The following SPAG6 variants were observed in gnomAD, a reference collection of about 807,000 sequenced individuals.
The protein encoded by SPAG6 is sperm associated antigen 6.
SPAG6 carries 49 observed loss-of-function variants against 58.5 expected under a neutral mutation model. The observed-to-expected ratio is 0.84, with a 90% CI of 0.67 to 1.06. SPAG6 has a LOEUF of 1.06. SPAG6 is among the 50% of genes least tolerant of loss of function. The pLI, the probability that SPAG6 is intolerant of heterozygous loss-of-function variation, is 0.00. For synonymous variants in SPAG6, 233 were observed against 225.6 expected (o/e 1.03, Z -0.29); for missense variants, 560 against 611.3 (o/e 0.92, Z 0.89).
In SPAG6 at chr10:22,360,937, C is replaced by A. The variant is rs1251361179; in HGVS notation, c.122-3916C>A. The stretch of plus-strand genomic sequence containing the variant: ...CATTGTCACCATTTTTATGCAGTTT[C>A]CTTGCATATTTATCTGTAGTTTTAA... On this transcript the variant is annotated intron_variant, in intron 2 of 10. Coordinates refer to ENST00000376624, the MANE Select transcript of SPAG6 (RefSeq NM_012443.4). 3 of 803,254 alleles carry A rather than the reference C, an allele frequency of 3.7e-6. No individual in the cohort carries two copies. In the Admixed American group the frequency reaches 6.4e-5, roughly 17 times the overall value. 49.8% of individuals were successfully genotyped at this position (803,254 alleles called of 1,614,324 possible).
chr10:22,357,522 C>T (rs541000718), intron 2 of SPAG6, among the ~76,000 whole-genome samples: 13 of 151,872 alleles, frequency 8.6e-5, no homozygotes, highest in African/African-American at 2.9e-4. Flanking sequence ...ATGAGTCATT[C>T]ACTAATAATA....
chr10:22,406,820 C>T (rs1277201296), intron 9 of SPAG6, among the ~76,000 whole-genome samples: 4 of 151,860 alleles, frequency 2.6e-5, no homozygotes, highest in African/African-American at 9.7e-5. Flanking sequence ...TCTTGGTGCT[C>T]CTGTATTGGG....
chr10:22,356,790 A>G (rs1836880758), intron 2 of SPAG6, among the ~76,000 whole-genome samples: 2 of 152,150 alleles, frequency 1.3e-5, no homozygotes, highest in African/African-American at 4.8e-5. Flanking sequence ...CTCGGTAACT[A>G]TGATAGTTTC....
rs112330496 is a variant in SPAG6, at chr10:22,386,204, T to G, written c.473-550T>G. On this transcript the variant is annotated intron_variant, in intron 4 of 10. Transcript: ENST00000376624. ...TCTCATTTTTGAAAGTATTTTTATA[T>G]GTACAATGAAAAGGCAGCTTTCTAT... 6.5e-3 allele frequency among the ~76,000 whole-genome samples: 985 copies of G among 152,280 alleles called. 11 individuals carry two copies. The highest frequency in any genetic ancestry group is 0.022 in the African/African-American group (934 of 41,564).
intron 2 of SPAG6, among the ~76,000 whole-genome samples, chr10:22,346,498 T>TCTTCTTCC (rs1554776433): frequency 1.3e-5 from 1 of 76,924 alleles, no homozygotes; most frequent in African/African-American, 5.5e-5. Flanking sequence ...TTCTTCTTCT[T>TCTTCTTCC]TCTTCTTCTT....
chr10:22,345,636 G>A lies in SPAG6; in HGVS notation c.25G>A (p.Val9Met). ...CATGAGTCAGAGGCAGGTGCTGCAAGGTAGGGCCGAGGCGGGCAGGTGCCC... is the reference window on the plus strand; with the variant it reads ...CATGAGTCAGAGGCAGGTGCTGCAAAGTAGGGCCGAGGCGGGCAGGTGCCC... MSQRQVLQVFEQYQKARTQ... is the reference protein window; with the variant it reads MSQRQVLQMFEQYQKARTQ... Residue 9 changes from valine to methionine, a missense_variant and splice_region_variant, in exon 1 of 11, where the codon GTG becomes ATG. Coordinates refer to ENST00000376624, the MANE Select transcript of SPAG6 (RefSeq NM_012443.4). The surrounding 1 kb of genome is among the most constrained non-coding windows in gnomAD (Gnocchi z 6.3). 3.9e-6 allele frequency: 6 copies of A among 1,546,108 alleles called. No homozygotes were observed. The highest frequency in any genetic ancestry group is 5.2e-6 in the Non-Finnish European group (6 of 1,146,526).
chr10:22,360,841 A>G (rs1304874267), intron 2 of SPAG6: 3 of 1,531,782 alleles, frequency 2.0e-6, no homozygotes, highest in African/African-American at 1.4e-5. Flanking sequence ...CTCACCATGG[A>G]TCTCTGGATA....
chr10:22,406,694 G>A (rs1401189324), intron 9 of SPAG6, among the ~76,000 whole-genome samples: 1 of 152,140 alleles, frequency 6.6e-6, no homozygotes, highest in African/African-American at 2.4e-5. Context: ...GGGTTTCCTT[G>A]TTTACTTTCT....
At chr10:22,403,273 A>C (rs1834459654) in intron 9 of SPAG6, among the ~76,000 whole-genome samples, 1 of 152,102 alleles carries the variant, frequency 6.6e-6, no homozygotes, top group South Asian at 2.1e-4. Flanking sequence ...TCCCAATGCT[A>C]TCCCTCCCCC....
intron 9 of SPAG6, among the ~76,000 whole-genome samples, chr10:22,409,005 A>G (rs1041227760): frequency 2.0e-5 from 3 of 151,630 alleles, no homozygotes; most frequent in Non-Finnish European, 4.4e-5. Context: ...TCGCGCACCC[A>G]CTGACCTGCG....
intron 7 of SPAG6, among the ~76,000 whole-genome samples, chr10:22,391,271 G>C (rs1378097660): frequency 6.6e-6 from 1 of 152,106 alleles, no homozygotes; most frequent in Non-Finnish European, 1.5e-5. Context: ...AAGGTACTTA[G>C]GATTCTTACT....
rs1836742064 is a variant in SPAG6, at chr10:22,352,074, T to G, written c.121+6256T>G. On this transcript the variant is annotated intron_variant, in intron 2 of 10. Transcript: ENST00000376624. The stretch of plus-strand genomic sequence containing the variant: ...ACTCGGAGAGGCTGAGGCAGGAGAA[T>G]GGCGTGAATTTCGGAGGCGGAGCTT... Among the ~76,000 whole-genome samples, 3 of 151,912 alleles carry G rather than the reference T, an allele frequency of 2.0e-5. No individual in the cohort carries two copies. In the South Asian group the frequency reaches 6.2e-4, roughly 32 times the overall value.
chr10:22,356,139 A>G (rs1482660863), intron 2 of SPAG6, among the ~76,000 whole-genome samples: 1 of 152,232 alleles, frequency 6.6e-6, no homozygotes, highest in Non-Finnish European at 1.5e-5. Context: ...ATTACAAATT[A>G]CCTATGCTAG....
chr10:22,372,941 G>A (rs887884251), intron 4 of SPAG6, among the ~76,000 whole-genome samples: 1 of 152,118 alleles, frequency 6.6e-6, no homozygotes, highest in East Asian at 1.9e-4. Flanking sequence ...AGCAATTTAC[G>A]GTGGAACTGC....
At chr10:22,403,203 A>G (rs1037940155) in intron 9 of SPAG6, among the ~76,000 whole-genome samples, 4 of 152,152 alleles carry the variant, frequency 2.6e-5, no homozygotes, top group African/African-American at 9.7e-5. Context: ...CTACATATGT[A>G]TACATGTGCC....
In SPAG6 at chr10:22,368,517, C is replaced by A. The variant is rs1373436986; in HGVS notation, c.311C>A (p.Ala104Asp). ...TAGCGCTTCTACAAGAAAGCAGCTG[C>A]CTTTGTGTTACGAGCAGTTGGTAAA... is the stretch of plus-strand genomic sequence containing the variant. ...EQNRFYKKAA[A>D]FVLRAVGKHS... Residue 104 changes from alanine to aspartate, a missense_variant, in exon 4 of 11, where the codon GCC (alanine) becomes GAC (aspartate). Coordinates refer to ENST00000376624, the MANE Select transcript of SPAG6 (RefSeq NM_012443.4). 1 of 1,613,538 alleles carries A rather than the reference C, an allele frequency of 6.2e-7. No individual in the cohort carries two copies. Among genetic ancestry groups the A allele is most frequent in the Non-Finnish European group, 8.5e-7 (1 of 1,179,766 alleles).
intron 2 of SPAG6, among the ~76,000 whole-genome samples, chr10:22,346,577 C>T (rs1057237275): frequency 2.0e-5 from 3 of 150,638 alleles, no homozygotes; most frequent in Non-Finnish European, 2.9e-5. Flanking sequence ...ATTCTACCAC[C>T]ATCTGAACTG....
chr10:22,390,040 C>G (rs1281335114), intron 7 of SPAG6, among the ~76,000 whole-genome samples: 1 of 152,164 alleles, frequency 6.6e-6, no homozygotes, highest in Non-Finnish European at 1.5e-5. Flanking sequence ...CATAGAAAAC[C>G]TGCTGCTGTA....
At chr10:22,370,081 C>T (rs1196768666) in intron 4 of SPAG6, among the ~76,000 whole-genome samples, 2 of 151,946 alleles carry the variant, frequency 1.3e-5, no homozygotes, top group Non-Finnish European at 2.9e-5. Flanking sequence ...AATTATGAAC[C>T]TACATGGTAA....
Sources: allele counts gnomAD v4.1 joint callset (sites outside exome capture counted in the v4.1 genomes callset), GRCh38; gene constraint gnomAD v4.1.1; non-coding constraint Gnocchi (gnomAD v3.1); transcripts MANE v1.5; gene names NCBI Gene and HGNC (gene_info 2026-07-23, HGNC 2026-07-21).